Variants in CFAP47 observed in about 807,000 individuals in gnomAD.
The protein encoded by CFAP47 is cilia- and flagella-associated protein 47.
CFAP47 carries 29 observed loss-of-function variants against 148.1 expected under a neutral mutation model. That is an observed-to-expected ratio of 0.20 (90% CI 0.15 to 0.27). The LOEUF is 0.27. CFAP47 is among the 10% of genes least tolerant of loss of function. The probability of loss-of-function intolerance (pLI) is 1.00; values close to 1 mark genes in which losing one functional copy is unlikely to be tolerated. For synonymous variants in CFAP47, 664 were observed against 577.3 expected, an observed-to-expected ratio of 1.15 and a Z score of -2.15; for missense variants, 1,872 against 1,697.5, an observed-to-expected ratio of 1.10 and a Z score of -1.81.
chrX:36,138,324 G>A (rs1487881895), intron 34 of CFAP47, 24 bp from the exon 35 acceptor site: 16 of 1,068,099 alleles, frequency 1.5e-5, no homozygotes, highest in Non-Finnish European at 1.9e-5. Flanking sequence ...ATTACCAAAA[G>A]GTTTGATTTT....
At chrX:36,208,358 G>A (rs1555989044) in intron 45 of CFAP47, among the ~76,000 whole-genome samples, 1 of 110,609 alleles carries the variant, frequency 9.0e-6, no homozygotes, top group African/African-American at 3.3e-5. Flanking sequence ...CAGGGGATTT[G>A]TTCCAGAACC....
intron 39 of CFAP47, among the ~76,000 whole-genome samples, chrX:36,173,282 C>T (rs1338918565): frequency 3.9e-4 from 43 of 110,883 alleles, no homozygotes; most frequent in African/African-American, 1.0e-3. Context: ...TGAAGGGTTT[C>T]TTTTGTCTCT....
At chrX:36,184,213 A>T (rs1430238317) in intron 40 of CFAP47, among the ~76,000 whole-genome samples, 2 of 111,943 alleles carry the variant, frequency 1.8e-5, no homozygotes, top group Non-Finnish European at 3.8e-5. Context: ...AAGACATTTT[A>T]AAAAAAGTAT....
rs1936808619 is a variant in CFAP47 at position 35,993,278 on chromosome X, C to T, written c.3056C>T (p.Ser1019Phe). 2 of 294,361 alleles carry T rather than the reference C, an allele frequency of 6.8e-6. No homozygotes were observed. The highest frequency in any genetic ancestry group is 5.5e-5 in the African/African-American group (2 of 36,218). The allele number at this position is 294,361 out of a possible 1,213,427, so 24.3% of individuals were successfully genotyped here. ...GGGGGAATAACTGTTCTCAATATCT[C>T]CTGTAAACCCACTGTGGCAGAAAAG... ...PFGGITVLNI[S>F]CKPTVAEKFD... The change falls in exon 18 of 64, where the codon TCC (serine) becomes TTC (phenylalanine). Residue 1019 changes from serine (S) to phenylalanine (F), a missense_variant. Coordinates refer to ENST00000378653, the MANE Select transcript of CFAP47 (RefSeq NM_001304548.2).
intron 26 of CFAP47, among the ~76,000 whole-genome samples, chrX:36,053,012 A>G (rs1937527836): frequency 1.8e-5 from 2 of 112,108 alleles, no homozygotes; most frequent in Middle Eastern, 4.6e-3. Flanking sequence ...TCAGTTTGAA[A>G]GCACTTATTC....
intron 33 of CFAP47, among the ~76,000 whole-genome samples, chrX:36,131,072 T>C (rs1393023831): frequency 9.0e-6 from 1 of 110,925 alleles, no homozygotes; most frequent in Non-Finnish European, 1.9e-5. Context: ...TGTTATCAGA[T>C]TGTTTGCAAC....
intron 62 of CFAP47, among the ~76,000 whole-genome samples, chrX:36,371,740 A>ACACACG (rs1941951453): frequency 1.9e-5 from 1 of 51,457 alleles, no homozygotes; most frequent in Non-Finnish European, 3.7e-5. Flanking sequence ...GTGTGTATAT[A>ACACACG]TGTGTGTATA....
chrX:36,116,423 G>A (rs914317359), intron 33 of CFAP47, among the ~76,000 whole-genome samples: 10 of 111,990 alleles, frequency 8.9e-5, no homozygotes, highest in South Asian at 3.7e-4. Flanking sequence ...GGTGTGGTTC[G>A]AATTTCAATA....
chrX:35,992,728 A>G (rs903957128), intron 17 of CFAP47, among the ~76,000 whole-genome samples: 1 of 111,424 alleles, frequency 9.0e-6, no homozygotes, highest in African/African-American at 3.3e-5. Context: ...AGTTTTCTGA[A>G]GATCAAAATG....
chrX:36,250,280 C>T (rs1313351765), intron 48 of CFAP47, among the ~76,000 whole-genome samples: 1 of 110,796 alleles, frequency 9.0e-6, no homozygotes, highest in Non-Finnish European at 1.9e-5. Flanking sequence ...AACCTGGAAG[C>T]CATTATGTTG....
intron 19 of CFAP47, among the ~76,000 whole-genome samples, chrX:35,999,228 C>T (rs1936884787): frequency 8.9e-6 from 1 of 112,162 alleles, no homozygotes; most frequent in Admixed American, 9.5e-5. Flanking sequence ...TATACAACTG[C>T]GTTGACATTT....
Position 35,968,990 on chromosome X carries a change from CATATGTATATATGTATATATCTAT to C in CFAP47, c.1814+1170_1814+1193del, listed in dbSNP as rs1291560817. Among the ~76,000 whole-genome samples, 8 of 109,493 alleles carry C rather than the reference CATATGTATATATGTATATATCTAT, an allele frequency of 7.3e-5. No homozygotes were observed. The South Asian group carries it at 2.7e-3, about 36-fold the overall frequency. ...ATATAGAGATATATCTATGTATCTA[CATATGTATATATGTATATATCTAT>C]ATATGTATATAGAGATATAATGTGT... On this transcript the variant is annotated intron_variant, in intron 10 of 63. Transcript: ENST00000378653.
chrX:36,296,669 G>T (rs1333988799), intron 51 of CFAP47, among the ~76,000 whole-genome samples: 2 of 112,080 alleles, frequency 1.8e-5, no homozygotes, highest in Non-Finnish European at 3.8e-5. Flanking sequence ...ACATTCTGTT[G>T]AACGGACACT....
Position 36,112,631 on chromosome X carries a change from G to A in CFAP47, c.5320+7940G>A, listed in dbSNP as rs111941804. Among the ~76,000 whole-genome samples the A allele has an allele frequency of 6.7e-3, 749 of 111,535 alleles. 10 individuals are homozygous for A. The highest frequency in any genetic ancestry group is 0.023 in the African/African-American group (691 of 30,693). ...GTCTGTCAGGTTCATTTGATCCAGT[G>A]CTGAGTTCAGGTCCTGAATATCTTT... On this transcript the variant is annotated intron_variant, in intron 33 of 63. Coordinates refer to ENST00000378653, the MANE Select transcript of CFAP47 (RefSeq NM_001304548.2).
At chrX:35,973,727 A>G (rs1347385159) in intron 13 of CFAP47, among the ~76,000 whole-genome samples, 1 of 111,392 alleles carries the variant, frequency 9.0e-6, no homozygotes, top group Non-Finnish European at 1.9e-5. Flanking sequence ...ATTAGGGTTT[A>G]CCTCTATGGG....
In CFAP47 at chrX:36,027,447, C is replaced by G. The variant is rs1937232509; in HGVS notation, c.3557-3806C>G. On this transcript the variant is annotated intron_variant, in intron 22 of 63. Transcript: ENST00000378653. ...AAGTAAGAACATGCAGTATTTGACT[C>G]TGTTTCTGAGTGATTGCATTGAGGA... 2.7e-5 allele frequency among the ~76,000 whole-genome samples: 3 copies of G among 110,628 alleles called. No individual in the cohort carries two copies. The Admixed American group carries it at 2.9e-4, about 11-fold the overall frequency.
intron 57 of CFAP47, among the ~76,000 whole-genome samples, chrX:36,340,062 C>T (rs781935961): frequency 1.3e-4 from 14 of 111,841 alleles, no homozygotes; most frequent in Admixed American, 2.9e-4. Context: ...TTAGCTAGCT[C>T]TACGAAAGGT....
intron 33 of CFAP47, among the ~76,000 whole-genome samples, chrX:36,125,549 AT>A (rs1476244869): frequency 1.8e-5 from 2 of 112,002 alleles, no homozygotes; most frequent in Non-Finnish European, 3.8e-5. Flanking sequence ...ATAATTTAGC[AT>A]TTTTTAATAT....
chrX:36,286,426 G>GT (rs1174597798), intron 51 of CFAP47, among the ~76,000 whole-genome samples: 5 of 97,650 alleles, frequency 5.1e-5, no homozygotes, highest in Admixed American at 4.7e-4. Flanking sequence ...TAAATAGAAA[G>GT]TAAAAAAAAA....
Sources: gnomAD v4.1 joint callset for allele counts (sites outside exome capture counted in the v4.1 genomes callset) on GRCh38, gnomAD v4.1.1 for gene constraint, MANE v1.5 for transcripts, NCBI Gene and HGNC (gene_info 2026-07-23, HGNC 2026-07-21) for gene names.